AFAP1: variants seen among roughly 807,000 people sequenced by gnomAD.
AFAP1 encodes the protein actin filament associated protein 1, also known as actin filament-associated protein 1.
AFAP1 carries 75 observed loss-of-function variants against 93.9 expected under a neutral mutation model. The observed-to-expected ratio is 0.80, with a 90% confidence interval of 0.66 to 0.97. AFAP1 has a LOEUF of 0.97. AFAP1 is among the 50% of genes least tolerant of loss of function. AFAP1 has a pLI of 0.00. For missense variants in AFAP1, 1,201 were observed against 1,050.8 expected (o/e 1.14, Z -1.98); for synonymous variants, 517 against 430.7 (o/e 1.20, Z -2.48).
chr4:7,848,380 A>G (rs1714057781), intron 4 of AFAP1, among the ~76,000 whole-genome samples: 2 of 152,170 alleles, frequency 1.3e-5, no homozygotes, highest in Non-Finnish European at 2.9e-5. Context: ...GTCCGAGTCC[A>G]AAAGCCTCAG....
chr4:7,775,060 GA>G, intron 14 of AFAP1, 157 bp from the exon 15 acceptor site: 1 of 829,774 alleles, frequency 1.2e-6, no homozygotes, highest in South Asian at 1.9e-5. Context: ...AGAATCGCTT[GA>G]GCTTGGGAGC....
chr4:7,852,362 G>T (rs1405289062), intron 4 of AFAP1, among the ~76,000 whole-genome samples: 1 of 152,190 alleles, frequency 6.6e-6, no homozygotes, highest in African/African-American at 2.4e-5. Flanking sequence ...AGCAGAAGCT[G>T]CCACCTGGCC....
rs138017950 is a variant in AFAP1, at chr4:7,889,762, C to T, written c.-2-17682G>A. Among the ~76,000 whole-genome samples the T allele has an allele frequency of 1.8e-4, 27 of 148,084 alleles. No homozygotes were observed. In the East Asian group the frequency reaches 5.3e-3, roughly 29 times the overall value. On this transcript the variant is annotated intron_variant, in intron 1 of 17. Transcript: ENST00000420658. ...GAAAAAAGCAACCTAGTACCACTTC[C>T]AATAGTATTAAAATATGTTAAATAT... is the stretch of plus-strand genomic sequence containing the variant.
intron 3 of AFAP1, among the ~76,000 whole-genome samples, chr4:7,859,688 G>A (rs1715454049): frequency 6.6e-6 from 1 of 152,180 alleles, no homozygotes; most frequent in African/African-American, 2.4e-5. Context: ...CATTTCTGCT[G>A]TAAGGTCTCC....
At chr4:7,933,040 A>AGG (rs11412950) in intron 1 of AFAP1, among the ~76,000 whole-genome samples, 73 of 118,862 alleles carry the variant, frequency 6.1e-4, no homozygotes, top group Non-Finnish European at 7.6e-4. Flanking sequence ...AAAAAAAAAA[A>AGG]GGGGGGGGAT....
chr4:7,808,914 G>A (rs942823036), intron 9 of AFAP1, among the ~76,000 whole-genome samples: 14 of 152,140 alleles, frequency 9.2e-5, no homozygotes, highest in African/African-American at 1.4e-4. Context: ...CACAAGCTGC[G>A]CAGATGCTGG....
At chr4:7,867,846 G>C (rs1716596509) in intron 3 of AFAP1, among the ~76,000 whole-genome samples, 1 of 151,902 alleles carries the variant, frequency 6.6e-6, no homozygotes, top group African/African-American at 2.4e-5. Flanking sequence ...TGAGCACTGT[G>C]GCAGGCCCAG....
At chr4:7,834,938 CTTGAATGGA>C (rs1308481183) in intron 6 of AFAP1, among the ~76,000 whole-genome samples, 10 of 148,832 alleles carry the variant, frequency 6.7e-5, no homozygotes, top group Non-Finnish European at 1.3e-4. Context: ...CTGGGTGGCT[CTTGAATGGA>C]CTGCGGGCTG....
chr4:7,786,353 C>T (rs756779574), intron 11 of AFAP1, 42 bp from the exon 12 acceptor site: 5 of 1,511,032 alleles, frequency 3.3e-6, no homozygotes, highest in South Asian at 1.1e-5. Context: ...ACCTGACCAC[C>T]TTTTACTCCA....
At chr4:7,906,142 C>T (rs751725795) in intron 1 of AFAP1, among the ~76,000 whole-genome samples, 3 of 152,178 alleles carry the variant, frequency 2.0e-5, no homozygotes, top group Admixed American at 6.5e-5. Flanking sequence ...CTGAGCAAAG[C>T]GCCATGAGAG....
intron 1 of AFAP1, among the ~76,000 whole-genome samples, chr4:7,878,030 G>A (rs973749841): frequency 6.6e-6 from 1 of 152,146 alleles, no homozygotes; most frequent in Non-Finnish European, 1.5e-5. Flanking sequence ...AAACACACAT[G>A]GCTGGTGGGC....
intron 3 of AFAP1, among the ~76,000 whole-genome samples, chr4:7,856,266 G>A (rs112983233): frequency 6.7e-6 from 1 of 149,064 alleles, no homozygotes; most frequent in East Asian, 1.9e-4. Flanking sequence ...TTTTTGAGTT[G>A]GAGTCTTGCT....
At chr4:7,849,383 T>C (rs1031488958) in intron 4 of AFAP1, among the ~76,000 whole-genome samples, 6 of 152,040 alleles carry the variant, frequency 3.9e-5, no homozygotes, top group Admixed American at 3.9e-4. Context: ...AAATTCAGCA[T>C]AGAAAAATCA....
intron 2 of AFAP1, 128 bp from the exon 3 acceptor site, chr4:7,868,847 A>G: frequency 1.3e-6 from 1 of 785,738 alleles, no homozygotes; most frequent in Non-Finnish European, 2.0e-6. Flanking sequence ...AATCCTTTAC[A>G]ACAGTCCTGC....
At chr4:7,914,488 C>T (rs574335651) in intron 1 of AFAP1, among the ~76,000 whole-genome samples, 147 of 152,296 alleles carry the variant, frequency 9.7e-4, no homozygotes, top group African/African-American at 3.3e-3. Flanking sequence ...TCCTGTGTTA[C>T]GGCTGAATAG....
chr4:7,795,673 C>T (rs1417674262), intron 10 of AFAP1, among the ~76,000 whole-genome samples: 1 of 152,028 alleles, frequency 6.6e-6, no homozygotes, highest in African/African-American at 2.4e-5. Context: ...GATCTGCCCA[C>T]CTCGGCCTCC....
intron 1 of AFAP1, among the ~76,000 whole-genome samples, chr4:7,901,196 A>ATGTGGCCATATGCC (rs1719094994): frequency 6.6e-6 from 1 of 152,236 alleles, no homozygotes; most frequent in Non-Finnish European, 1.5e-5. Flanking sequence ...AACACATAAG[A>ATGTGGCCATATGCC]TGTGGCCATA....
intron 8 of AFAP1, among the ~76,000 whole-genome samples, chr4:7,815,512 G>A (rs1234898490): frequency 6.6e-6 from 1 of 152,166 alleles, no homozygotes; most frequent in African/African-American, 2.4e-5. Flanking sequence ...GAAATCGGCA[G>A]GTCTGGCCTC....
chr4:7,798,444 C>CCTATTGGCTGGCTCACGGCATTGCAACT (rs1183643175), intron 10 of AFAP1, among the ~76,000 whole-genome samples: 33 of 116,820 alleles, frequency 2.8e-4, no homozygotes, highest in Non-Finnish European at 4.2e-4. Flanking sequence ...GCATTGCAAC[C>CCTATTGGCTGGCTCACGGCATTGCAACT]CTATTGGCTG....
Sources: gnomAD v4.1 joint callset for allele counts (sites outside exome capture counted in the v4.1 genomes callset) on GRCh38, gnomAD v4.1.1 for gene constraint, MANE v1.5 for transcripts, NCBI Gene and HGNC (gene_info 2026-07-23, HGNC 2026-07-21) for gene names.